The following SCGB2B2 variants were observed in gnomAD, a reference collection of about 807,000 sequenced individuals.
SCGB2B2 encodes secretoglobin-like protein.
SCGB2B2 carries 11 observed loss-of-function variants against 7.6 expected under a neutral mutation model. The ratio of observed to expected loss-of-function variants is 1.45; its 90% CI spans 0.91 to 2.40. The LOEUF (loss-of-function observed/expected upper bound fraction) is 2.40, where lower values mean the gene tolerates loss of function less well. Among genes scored for constraint, SCGB2B2 ranks in the 30% most tolerant of loss-of-function variants. The pLI, the probability that SCGB2B2 is intolerant of heterozygous loss-of-function variation, is 0.00. For synonymous variants in SCGB2B2, 50 were observed against 48.6 expected (o/e 1.03, Z -0.12); for missense variants, 104 against 115.4 (o/e 0.90, Z 0.45).
intron 1 of SCGB2B2, among the ~76,000 whole-genome samples, chr19:34,661,948 C>T (rs1315599406): frequency 4.6e-5 from 7 of 151,986 alleles, no homozygotes; most frequent in South Asian, 2.1e-4. Context: ...GGCCTGATCT[C>T]GGCTCATCGT....
At chr19:34,642,048 T>C (rs532382744) in intron 1 of SCGB2B2, among the ~76,000 whole-genome samples, 1 of 152,268 alleles carries the variant, frequency 6.6e-6, no homozygotes, top group East Asian at 1.9e-4. Flanking sequence ...CACTCTGCTG[T>C]TTTGGAAGCT....
intron 1 of SCGB2B2, among the ~76,000 whole-genome samples, chr19:34,672,089 C>T (rs1474508527): frequency 6.6e-6 from 1 of 151,780 alleles, no homozygotes; most frequent in Admixed American, 6.6e-5. Context: ...TTCAGTGAGC[C>T]ATGATGGGGC....
chr19:34,658,249 A>G (rs1358277292), intron 1 of SCGB2B2, among the ~76,000 whole-genome samples: 1 of 152,206 alleles, frequency 6.6e-6, no homozygotes, highest in Non-Finnish European at 1.5e-5. Flanking sequence ...CTAAGATCAG[A>G]GCAGAACTGA....
chr19:34,663,387 C>G (rs1471057295), intron 1 of SCGB2B2, among the ~76,000 whole-genome samples: 1 of 152,078 alleles, frequency 6.6e-6, no homozygotes, highest in Non-Finnish European at 1.5e-5. Context: ...ATTTTTTAAA[C>G]CATAAAGACA....
chr19:34,592,813 C>G lies in SCGB2B2; in HGVS notation c.*742G>C, dbSNP rs1327769529. Among the ~76,000 whole-genome samples, 1 of 152,184 alleles carries G rather than the reference C, an allele frequency of 6.6e-6. No individual in the cohort carries two copies. Among genetic ancestry groups the G allele is most frequent in the Non-Finnish European group, 1.5e-5 (1 of 68,028 alleles). On this transcript the variant is annotated 3_prime_UTR_variant, in exon 4 of 4. Coordinates refer to ENST00000601241, the MANE Select transcript of SCGB2B2 (RefSeq NM_001025591.4). The stretch of plus-strand genomic sequence containing the variant: ...GCAGATTGCCTGGTCCCACCAGCCC[C>G]AGGAGCAGAGCTGAGCTGCAGGTAT...
At chr19:34,664,500 T>C (rs569491646) in intron 1 of SCGB2B2, among the ~76,000 whole-genome samples, 7 of 152,314 alleles carry the variant, frequency 4.6e-5, no homozygotes, top group Non-Finnish European at 7.4e-5. Flanking sequence ...GCCAGGTGCC[T>C]GTGCCTTGGC....
chr19:34,589,637 C>T (rs117395336), downstream of SCGB2B2, among the ~76,000 whole-genome samples: 2,037 of 152,212 alleles, frequency 0.013, 15 homozygotes, highest in South Asian at 0.024. Flanking sequence ...GGGTTCCCCA[C>T]ACAGGCTCAG....
intron 1 of SCGB2B2, among the ~76,000 whole-genome samples, chr19:34,599,642 T>C (rs1263007741): frequency 2.6e-5 from 4 of 152,276 alleles, no homozygotes; most frequent in African/African-American, 7.2e-5. Context: ...GTGGGAATTA[T>C]AGGCATACAA....
At chr19:34,599,452 C>T (rs146603234) in intron 1 of SCGB2B2, among the ~76,000 whole-genome samples, 2,049 of 152,312 alleles carry the variant, frequency 0.013, 39 homozygotes, top group East Asian at 0.049. Flanking sequence ...CTCACAATCA[C>T]GGTGGAAGGT....
rs912809225 is a variant in SCGB2B2 at position 34,593,655 on chromosome 19, A to G, written c.247-56T>C. 2.1e-6 allele frequency: 3 copies of G among 1,430,300 alleles called. No individual in the cohort carries two copies. In the African/African-American group the frequency reaches 4.3e-5, roughly 20 times the overall value. 88.6% of individuals were successfully genotyped at this position (1,430,300 alleles called of 1,614,324 possible). A position where few individuals can be genotyped will look rare whatever the true frequency, so the allele number is the denominator to read the frequency against. On this transcript the variant is annotated intron_variant, in intron 3 of 3. Coordinates refer to ENST00000601241, the MANE Select transcript of SCGB2B2 (RefSeq NM_001025591.4). ...GTGGCCTCTGTGAAAGGCTCCCCAGACTCATCGTTATTGCCCGGTCCCCGA... is the reference window on the plus strand; with the variant it reads ...GTGGCCTCTGTGAAAGGCTCCCCAGGCTCATCGTTATTGCCCGGTCCCCGA...
chr19:34,610,772 T>TTTG (rs1340536079), intron 1 of SCGB2B2, among the ~76,000 whole-genome samples: 1 of 151,660 alleles, frequency 6.6e-6, no homozygotes, highest in East Asian at 1.9e-4. Flanking sequence ...CCTATAGTTT[T>TTTG]TTTTTTTTTT....
At chr19:34,641,902 T>A (rs2066852387) in intron 1 of SCGB2B2, among the ~76,000 whole-genome samples, 1 of 152,234 alleles carries the variant, frequency 6.6e-6, no homozygotes, top group African/African-American at 2.4e-5. Flanking sequence ...GGCTCCCATA[T>A]GTACACATTA....
downstream of SCGB2B2, among the ~76,000 whole-genome samples, chr19:34,589,561 T>C (rs1475015968): frequency 6.6e-6 from 1 of 151,546 alleles, no homozygotes; most frequent in Non-Finnish European, 1.5e-5. Context: ...CTGTCATGGG[T>C]GAGGGGAGAT....
chr19:34,623,747 G>C (rs371038399), intron 1 of SCGB2B2, among the ~76,000 whole-genome samples: 31 of 152,282 alleles, frequency 2.0e-4, no homozygotes, highest in African/African-American at 7.5e-4. Context: ...TGTGGCCCTA[G>C]CAAAGCCCTG....
chr19:34,648,232 A>C (rs2146057585), intron 1 of SCGB2B2, among the ~76,000 whole-genome samples: 1 of 152,342 alleles, frequency 6.6e-6, no homozygotes, highest in Admixed American at 6.5e-5. Flanking sequence ...CTGGAGACAA[A>C]AATATATGCT....
At chr19:34,656,800 T>G (rs1475858794) in intron 1 of SCGB2B2, among the ~76,000 whole-genome samples, 1 of 151,100 alleles carries the variant, frequency 6.6e-6, no homozygotes, top group East Asian at 1.9e-4. Context: ...AAGCCTAAAA[T>G]TATGTGAAAT....
chr19:34,641,931 T>C (rs1440088971), intron 1 of SCGB2B2, among the ~76,000 whole-genome samples: 1 of 152,132 alleles, frequency 6.6e-6, no homozygotes, highest in Non-Finnish European at 1.5e-5. Context: ...TGAATGCCAT[T>C]TCTTCTAAAA....
At chr19:34,643,527 A>G (rs2066904064) in intron 1 of SCGB2B2, among the ~76,000 whole-genome samples, 1 of 152,210 alleles carries the variant, frequency 6.6e-6, no homozygotes, top group African/African-American at 2.4e-5. Flanking sequence ...GACCATAACT[A>G]ACAACCAAAC....
chr19:34,591,280 A>G lies in SCGB2B2; in HGVS notation c.*2275T>C. 6.6e-6 allele frequency among the ~76,000 whole-genome samples: 1 copy of G among 152,202 alleles called. No homozygotes were observed. The highest frequency in any genetic ancestry group is 1.9e-4 in the East Asian group (1 of 5,196). On this transcript the variant is annotated 3_prime_UTR_variant, in exon 4 of 4. Transcript: ENST00000601241. ...CCTTCTCAGCAGTGGCATCACATCC[A>G]GCCAGCTGCTCCAGCCCAAATGTGA...
Sources: gnomAD v4.1 joint callset for allele counts (sites outside exome capture counted in the v4.1 genomes callset) on GRCh38, gnomAD v4.1.1 for gene constraint, MANE v1.5 for transcripts, NCBI Gene and HGNC (gene_info 2026-07-23, HGNC 2026-07-21) for gene names.